SVEP1: variants seen among roughly 807,000 people sequenced by gnomAD.
SVEP1 encodes the protein sushi, von Willebrand factor type A, EGF and pentraxin domain containing 1.
Under a neutral mutation model 367.3 loss-of-function variants are expected in SVEP1, and 164 were observed. That is an observed-to-expected ratio of 0.45 (90% CI 0.39 to 0.51). The LOEUF is 0.51. Among genes scored for constraint, SVEP1 ranks in the 20% least tolerant of loss-of-function variants. SVEP1 has a pLI of 0.00. For missense variants in SVEP1, 4,117 were observed against 4,425.3 expected, an observed-to-expected ratio of 0.93 and a Z score of 1.98; for synonymous variants, 1,666 against 1,611.6, an observed-to-expected ratio of 1.03 and a Z score of -0.81.
intron 5 of SVEP1, among the ~76,000 whole-genome samples, chr9:110,508,489 C>T (rs1036119436): frequency 1.3e-5 from 2 of 151,998 alleles, no homozygotes; most frequent in African/African-American, 2.4e-5. Flanking sequence ...TGGCCGGGTG[C>T]GGTGGCTCAC....
Position 110,579,394 on chromosome 9 carries a change from G to A in SVEP1, c.150C>T (p.Pro50=), listed in dbSNP as rs1830665870. 1 of 1,570,104 alleles carries A rather than the reference G, an allele frequency of 6.4e-7. No homozygotes were observed. The highest frequency in any genetic ancestry group is 8.6e-7 in the Non-Finnish European group (1 of 1,158,666). The change falls in exon 1 of 48, where the codon CCC becomes CCT. Residue 50 remains proline, a synonymous_variant. Transcript: ENST00000374469. This position sits in a 1 kb window ranked among gnomAD's most constrained non-coding sequence, Gnocchi z 5.3. ...PGAPGSIPAP[P]APGDEAAGSR... ...TCCCCGCCGCTTCGTCGCCAGGAGC[G>A]GGCGGCGCGGGGATACTCCCGGGGG...
intron 3 of SVEP1, among the ~76,000 whole-genome samples, chr9:110,521,523 G>T (rs974395193): frequency 1.3e-5 from 2 of 152,172 alleles, no homozygotes; most frequent in African/African-American, 4.8e-5. Context: ...TACAAAAGAG[G>T]TTGCATCAGC....
chr9:110,508,843 A>G (rs1348792658), intron 5 of SVEP1, among the ~76,000 whole-genome samples: 3 of 151,988 alleles, frequency 2.0e-5, no homozygotes, highest in Non-Finnish European at 4.4e-5. Flanking sequence ...CTTTATGAAA[A>G]GTGCATAGGA....
At chr9:110,480,778 C>A (rs2118699566) in intron 12 of SVEP1, among the ~76,000 whole-genome samples, 1 of 151,894 alleles carries the variant, frequency 6.6e-6, no homozygotes, top group African/African-American at 2.4e-5. Context: ...ACCACAGGAG[C>A]ACACCACCAG....
intron 22 of SVEP1, among the ~76,000 whole-genome samples, chr9:110,454,202 T>C (rs1828741780): frequency 1.3e-5 from 2 of 152,224 alleles, no homozygotes; most frequent in Non-Finnish European, 2.9e-5. Flanking sequence ...GTGCAGAAGC[T>C]CTTCGATTTA....
rs143509351 is a variant in SVEP1, at chr9:110,560,341, T to C, written c.532-10237A>G. 7.2e-5 allele frequency among the ~76,000 whole-genome samples: 11 copies of C among 152,290 alleles called. No individual in the cohort carries two copies. The East Asian group carries it at 2.1e-3, about 29-fold the overall frequency. On this transcript the variant is annotated intron_variant, in intron 1 of 47. Coordinates refer to ENST00000374469, the MANE Select transcript of SVEP1 (RefSeq NM_153366.4). ...AATAACAAAATTGCCTAATGATGCT[T>C]TTCTCAGAAGGTATCCCCATTGTTA...
At chr9:110,448,193 C>A (rs1380103552) in intron 24 of SVEP1, among the ~76,000 whole-genome samples, 1 of 151,816 alleles carries the variant, frequency 6.6e-6, no homozygotes, top group African/African-American at 2.4e-5. Flanking sequence ...ATGCATGTGT[C>A]TATGTTGGAG....
At chr9:110,410,204 T>C (rs1828025045) in intron 37 of SVEP1, among the ~76,000 whole-genome samples, 1 of 152,190 alleles carries the variant, frequency 6.6e-6, no homozygotes, top group African/African-American at 2.4e-5. Context: ...TGTATATATG[T>C]GGGTTTTAAA....
In SVEP1 at chr9:110,408,685, C is replaced by A; in HGVS notation, c.6915G>T (p.Gln2305His). 1 of 1,614,026 alleles carries A rather than the reference C, an allele frequency of 6.2e-7. No homozygotes were observed. Among genetic ancestry groups the A allele is most frequent in the Non-Finnish European group, 8.5e-7 (1 of 1,179,892 alleles). Reference sequence around the variant, plus strand: ...ACTTCTTATTCCATTTGCCAGATTTCTGACATGTCCAAGAACTGTCACCAA... The same window carrying A: ...ACTTCTTATTCCATTTGCCAGATTTATGACATGTCCAAGAACTGTCACCAA... ...ELVGDSSWTC[Q>H]KSGKWNKKSN... The change falls in exon 38 of 48, where the codon CAG (glutamine) becomes CAT (histidine). Residue 2305 changes from glutamine (Q) to histidine (H), a missense_variant. Physicochemically the swap from Gln to His is conservative, Grantham distance 24 (BLOSUM62 0). This residue lies in a region of SVEP1 where 1,765 missense variants were observed against 1,781.1 expected (regional missense o/e 0.99). Transcript: ENST00000374469.
At position 110,451,315 on chromosome 9, in the gene SVEP1, C is replaced by T. The variant is rs1334765759; in HGVS notation, c.3875G>A (p.Arg1292His). Residue 1292 changes from arginine to histidine, a missense_variant, in exon 23 of 48, where the codon CGT becomes CAT. Around this residue, in one of 4 missense-constraint regions of SVEP1, gnomAD observed 2,174 missense variants for 2,494.3 expected, o/e 0.87. Coordinates refer to ENST00000374469, the MANE Select transcript of SVEP1 (RefSeq NM_153366.4). The part of the protein sequence containing the change: ...GICVDGVAGY[R>H]CTCVKGFVGL... Reference sequence around the variant, plus strand: ...TACAAATCCTTTCACACATGTGCAACGATAGCCAGCCACACCATCAACACA... The same window carrying T: ...TACAAATCCTTTCACACATGTGCAATGATAGCCAGCCACACCATCAACACA... 1.4e-5 allele frequency: 22 copies of T among 1,613,538 alleles called. No homozygotes were observed. The highest frequency in any genetic ancestry group is 1.7e-5 in the Non-Finnish European group (20 of 1,179,706).
In SVEP1 at chr9:110,406,287, T is replaced by C. The variant is rs1827953081; in HGVS notation, c.9313A>G (p.Thr3105Ala). 1.9e-6 allele frequency: 3 copies of C among 1,614,082 alleles called. No individual in the cohort carries two copies. Among genetic ancestry groups the C allele is most frequent in the Non-Finnish European group, 2.5e-6 (3 of 1,179,906 alleles). Residue 3105 changes from threonine to alanine, a missense_variant, in exon 38 of 48, where the codon ACA becomes GCA. Around this residue, in one of 4 missense-constraint regions of SVEP1, gnomAD observed 1,765 missense variants for 1,781.1 expected, o/e 0.99. Transcript: ENST00000374469. ...VIQGSSDLIC[T>A]EKGVWSQPYP... Reference sequence around the variant, plus strand: ...GGCTGGCTCCATACCCCTTTCTCTGTACAAATCAGATCTGAACTGCCTTGT... The same window carrying C: ...GGCTGGCTCCATACCCCTTTCTCTGCACAAATCAGATCTGAACTGCCTTGT...
intron 36 of SVEP1, among the ~76,000 whole-genome samples, chr9:110,423,026 C>T (rs1476497206): frequency 7.5e-6 from 1 of 132,718 alleles, no homozygotes. Flanking sequence ...TGCTAGATGA[C>T]ACATTAGTGG....
At chr9:110,415,703 A>G (rs889042267) in intron 36 of SVEP1, among the ~76,000 whole-genome samples, 2 of 152,046 alleles carry the variant, frequency 1.3e-5, no homozygotes, top group Non-Finnish European at 2.9e-5. Flanking sequence ...CAACAGTCTG[A>G]AAACCCTCCC....
At chr9:110,562,568 G>A (rs1010697832) in intron 1 of SVEP1, among the ~76,000 whole-genome samples, 11 of 152,186 alleles carry the variant, frequency 7.2e-5, no homozygotes, top group Non-Finnish European at 1.0e-4. Flanking sequence ...ATTAGGGAAA[G>A]AACAGAGAGG....
intron 31 of SVEP1, among the ~76,000 whole-genome samples, 170 bp from the exon 32 acceptor site, chr9:110,432,204 CTAT>C (rs1352057874): frequency 6.6e-6 from 1 of 152,026 alleles, no homozygotes; most frequent in Non-Finnish European, 1.5e-5. Context: ...ACAATAAAAG[CTAT>C]TATTTCCCTA....
intron 3 of SVEP1, among the ~76,000 whole-genome samples, chr9:110,525,539 CAAG>C (rs1244612663): frequency 4.0e-5 from 6 of 151,826 alleles, no homozygotes; most frequent in African/African-American, 1.5e-4. Context: ...AGGAAAATCC[CAAG>C]AAGATTTTTT....
At chr9:110,400,627 A>G (rs1827843917) in intron 40 of SVEP1, among the ~76,000 whole-genome samples, 1 of 152,180 alleles carries the variant, frequency 6.6e-6, no homozygotes, top group African/African-American at 2.4e-5. Context: ...TCGGCCTCCC[A>G]AAGTGCTCGG....
intron 24 of SVEP1, among the ~76,000 whole-genome samples, chr9:110,448,153 G>A (rs924590394): frequency 9.7e-5 from 5 of 51,528 alleles, no homozygotes; most frequent in African/African-American, 2.2e-4. Flanking sequence ...GTGTGTGCGC[G>A]TGTGTGTGTG....
In SVEP1 at chr9:110,432,138, A is replaced by G. The variant is rs1052413742; in HGVS notation, c.5234-104T>C. The G allele has an allele frequency of 1.3e-5, 16 of 1,224,344 alleles. No homozygotes were observed. In the African/African-American group the frequency reaches 2.4e-4, roughly 19 times the overall value. The allele number at this position is 1,224,344 out of a possible 1,614,324, so 75.8% of individuals were successfully genotyped here. A position where few individuals can be genotyped will look rare whatever the true frequency, so the allele number is the denominator to read the frequency against. ...CATTACATATCACGTAATGCACAAC[A>G]CTTCATATATTTGTATAGAATTTAA... is the stretch of plus-strand genomic sequence containing the variant. On this transcript the variant is annotated intron_variant, in intron 31 of 47. Coordinates refer to ENST00000374469, the MANE Select transcript of SVEP1 (RefSeq NM_153366.4).
Sources: allele counts gnomAD v4.1 joint callset (sites outside exome capture counted in the v4.1 genomes callset), GRCh38; gene constraint gnomAD v4.1.1; regional missense constraint gnomAD v4.1.1; non-coding constraint Gnocchi (gnomAD v3.1); transcripts MANE v1.5; gene names NCBI Gene and HGNC (gene_info 2026-07-23, HGNC 2026-07-21).